NEO1: variants seen among roughly 807,000 people sequenced by gnomAD.
NEO1 encodes the protein neogenin.
NEO1 carries 63 observed loss-of-function variants against 159.7 expected under a neutral mutation model. That is an observed-to-expected ratio of 0.39 (90% confidence interval 0.32 to 0.49). The LOEUF is 0.49. Ranked by LOEUF, NEO1 falls within the 20% of genes least tolerant of loss-of-function variation. The pLI is 0.85. For synonymous variants in NEO1, 633 were observed against 662.0 expected, an observed-to-expected ratio of 0.96 and a Z score of 0.67; for missense variants, 1,615 against 1,831.0, an observed-to-expected ratio of 0.88 and a Z score of 2.15.
At chr15:73,121,923 C>T (rs996796238) in intron 2 of NEO1, among the ~76,000 whole-genome samples, 2 of 151,704 alleles carry the variant, frequency 1.3e-5, no homozygotes, top group Non-Finnish European at 2.9e-5. Flanking sequence ...TCCTTCTGCA[C>T]TCTTAGAATT....
chr15:73,156,041 CTT>C (rs773954555), intron 5 of NEO1, among the ~76,000 whole-genome samples: 2 of 152,162 alleles, frequency 1.3e-5, no homozygotes, highest in Admixed American at 1.3e-4. Flanking sequence ...CTTCCTATAT[CTT>C]TACATTGGTT....
rs976839486 is a variant in NEO1, at chr15:73,227,631, C to T, written c.1292-8716C>T. The stretch of plus-strand genomic sequence containing the variant: ...GACTGGGCCAGTGTGAAGCTGCTGC[C>T]AAGCATTTGAGCAGCAGGTCAGAGC... On this transcript the variant is annotated intron_variant, in intron 7 of 28. Transcript: ENST00000261908. Among the ~76,000 whole-genome samples, 5 of 152,294 alleles carry T rather than the reference C, an allele frequency of 3.3e-5. No individual in the cohort carries two copies. In the East Asian group the frequency reaches 7.7e-4, roughly 23 times the overall value.
rs2040485942 is a variant in NEO1 at position 73,258,852 on chromosome 15, G to A, written c.2179G>A (p.Glu727Lys). 1.9e-6 allele frequency: 3 copies of A among 1,613,826 alleles called. No homozygotes were observed. The highest frequency in any genetic ancestry group is 1.1e-5 in the South Asian group (1 of 91,066). The change falls in exon 14 of 29, where the codon GAA becomes AAA. Residue 727 changes from glutamate (E) to lysine (K), a missense_variant. Transcript: ENST00000261908. The stretch of plus-strand genomic sequence containing the variant: ...CCCGGCAACTGACTGGCTGTCTGCT[G>A]AAACTTTTGAAAGTGACCTAGATGG... ...TGPATDWLSAETFESDLDETR... is the reference protein window; with the variant it reads ...TGPATDWLSAKTFESDLDETR...
At position 73,279,351 on chromosome 15, in the gene NEO1, G is replaced by GTTTTGTT. The variant is rs2041576909; in HGVS notation, c.3262+1156_3262+1157insGTTTTTT. On this transcript the variant is annotated intron_variant, in intron 22 of 28. Transcript: ENST00000261908. ...ATGTTTTTTTGTTGTTTTGGTTTTG[G>GTTTTGTT]TTTTTTTTTTTTTTTGAGATGGAAT... 7.9e-4 allele frequency among the ~76,000 whole-genome samples: 94 copies of GTTTTGTT among 119,346 alleles called. 1 individual carries two copies. The highest frequency in any genetic ancestry group is 2.8e-3 in the African/African-American group (93 of 33,536). 78.3% of individuals were successfully genotyped at this position (119,346 alleles called of 152,430 possible). A position where few individuals can be genotyped will look rare whatever the true frequency, so the allele number is the denominator to read the frequency against.
At chr15:73,209,980 G>A (rs1567489495) in intron 7 of NEO1, among the ~76,000 whole-genome samples, 1 of 152,098 alleles carries the variant, frequency 6.6e-6, no homozygotes. Flanking sequence ...TCCAGCCTGG[G>A]CAACAAGAGC....
chr15:73,303,503 T>C lies in NEO1; in HGVS notation c.*807T>C, dbSNP rs540089983. On this transcript the variant is annotated 3_prime_UTR_variant, in exon 29 of 29. Transcript: ENST00000261908. ...ATTGGGGCGGGTGGGGGGCTGGGGG[T>C]TGGTAATAGGAAATGGAGGGGCTGC... 17 of 151,788 alleles carry C rather than the reference T, an allele frequency of 1.1e-4. No homozygotes were observed. The East Asian group carries it at 3.1e-3, about 28-fold the overall frequency. The allele number at this position is 151,788 out of a possible 1,614,324, so 9.4% of individuals were successfully genotyped here. A position where few individuals can be genotyped will look rare whatever the true frequency, so the allele number is the denominator to read the frequency against.
intron 1 of NEO1, among the ~76,000 whole-genome samples, chr15:73,063,582 C>T (rs2068071638): frequency 6.6e-6 from 1 of 151,980 alleles, no homozygotes; most frequent in South Asian, 2.1e-4. Context: ...AAGACTTGAG[C>T]TGATTTTGAA....
intron 7 of NEO1, among the ~76,000 whole-genome samples, chr15:73,180,203 C>T (rs2035521583): frequency 6.6e-6 from 1 of 152,092 alleles, no homozygotes; most frequent in Non-Finnish European, 1.5e-5. Context: ...AAGAATTTCT[C>T]TGATGATTGT....
chr15:73,122,092 T>TATATATATATATAC (rs1567241749), intron 2 of NEO1, among the ~76,000 whole-genome samples: 7 of 102,994 alleles, frequency 6.8e-5, no homozygotes, highest in African/African-American at 2.6e-4. Context: ...TATATATATA[T>TATATATATATATAC]ATACACATTA....
chr15:73,284,766 T>A (rs919372061), intron 23 of NEO1, among the ~76,000 whole-genome samples: 3 of 151,164 alleles, frequency 2.0e-5, no homozygotes, highest in Admixed American at 6.6e-5. Flanking sequence ...TTGTATTTTT[T>A]AAGTAGAGAT....
At chr15:73,194,961 A>T (rs2036454763) in intron 7 of NEO1, among the ~76,000 whole-genome samples, 1 of 152,204 alleles carries the variant, frequency 6.6e-6, no homozygotes, top group Admixed American at 6.5e-5. Flanking sequence ...GTTTTTAGAT[A>T]GCTTTGAAGA....
chr15:73,181,065 T>A (rs904925557), intron 7 of NEO1, among the ~76,000 whole-genome samples: 1 of 152,200 alleles, frequency 6.6e-6, no homozygotes, highest in African/African-American at 2.4e-5. Context: ...AGGAATTCTG[T>A]CTGTGTGATC....
intron 5 of NEO1, among the ~76,000 whole-genome samples, chr15:73,160,419 A>G (rs992449296): frequency 5.9e-5 from 9 of 152,158 alleles, no homozygotes; most frequent in Admixed American, 2.0e-4. Context: ...TCATATGTAT[A>G]TTCTTGCCTC....
chr15:73,122,012 C>T (rs2071678745), intron 2 of NEO1, among the ~76,000 whole-genome samples: 1 of 149,112 alleles, frequency 6.7e-6, no homozygotes, highest in Admixed American at 6.7e-5. Flanking sequence ...ATGGATGCTG[C>T]ACCTTCTCTG....
At chr15:73,255,741 C>A (rs1307138433) in intron 13 of NEO1, 1 of 152,292 alleles carries the variant, frequency 6.6e-6, no homozygotes, top group Non-Finnish European at 1.5e-5. Context: ...GCACCATCAC[C>A]CTACCTCTGT....
chr15:73,176,866 G>A (rs1294217339), intron 6 of NEO1, among the ~76,000 whole-genome samples: 1 of 152,014 alleles, frequency 6.6e-6, no homozygotes, highest in Admixed American at 6.6e-5. Flanking sequence ...TAGCACACAT[G>A]TGTGTGCGTG....
rs932327767 is a variant in NEO1, at chr15:73,136,103, A to G, written c.1015+76A>G. ...CTGCTAATTTTTAAGAAATATTAAC[A>G]TGGGCGAGGCAATACAGCAAAACAA... On this transcript the variant is annotated intron_variant, in intron 5 of 28. Coordinates refer to ENST00000261908, the MANE Select transcript of NEO1 (RefSeq NM_002499.4). 8.7e-5 allele frequency: 117 copies of G among 1,346,540 alleles called. 1 individual carries two copies. The highest frequency in any genetic ancestry group is 1.1e-4 in the Non-Finnish European group (105 of 999,742). The allele number at this position is 1,346,540 out of a possible 1,614,324, so 83.4% of individuals were successfully genotyped here.
In NEO1 at chr15:73,293,080, TA is replaced by T. The variant is rs1182049610; in HGVS notation, c.3743-308del. ...TTATAGTAGAATTGGAAAATACAGATAAGCCAAAAGAAAAATATTATTTTAA... is the reference window on the plus strand; with the variant it reads ...TTATAGTAGAATTGGAAAATACAGATAGCCAAAAGAAAAATATTATTTTAA... On this transcript the variant is annotated intron_variant, in intron 25 of 28. Transcript: ENST00000261908. Among the ~76,000 whole-genome samples, 5 of 152,346 alleles carry T rather than the reference TA, an allele frequency of 3.3e-5. No individual in the cohort carries two copies. In the East Asian group the frequency reaches 9.6e-4, roughly 29 times the overall value.
At chr15:73,215,995 A>G (rs2037856802) in intron 7 of NEO1, among the ~76,000 whole-genome samples, 1 of 151,946 alleles carries the variant, frequency 6.6e-6, no homozygotes, top group Non-Finnish European at 1.5e-5. Context: ...GGCTAGTTAC[A>G]TATGTATACA....
Sources: allele counts gnomAD v4.1 joint callset (sites outside exome capture counted in the v4.1 genomes callset), GRCh38; gene constraint gnomAD v4.1.1; transcripts MANE v1.5; gene names NCBI Gene and HGNC (gene_info 2026-07-23, HGNC 2026-07-21).